Variants in ME1 observed in about 807,000 individuals in gnomAD.
ME1 encodes NADP-dependent malic enzyme.
Under a neutral mutation model 66.4 loss-of-function variants are expected in ME1, and 74 were observed. That is an observed-to-expected ratio of 1.11 (90% CI 0.92 to 1.35). The LOEUF (loss-of-function observed/expected upper bound fraction) is 1.35. Ranked by LOEUF, ME1 falls within the 40% of genes most tolerant of loss-of-function variation. ME1 has a pLI of 0.00. For missense variants in ME1, 750 were observed against 694.1 expected (o/e 1.08, Z -0.90); for synonymous variants, 251 against 235.6 (o/e 1.07, Z -0.60).
intron 6 of ME1, among the ~76,000 whole-genome samples, chr6:83,266,458 A>G (rs965498698): frequency 5.9e-5 from 9 of 152,150 alleles, no homozygotes; most frequent in African/African-American, 2.2e-4. Flanking sequence ...GCACTCACTT[A>G]TCAATAACAT....
intron 3 of ME1, among the ~76,000 whole-genome samples, chr6:83,361,118 T>A (rs1769000017): frequency 6.6e-6 from 1 of 152,256 alleles, no homozygotes; most frequent in Non-Finnish European, 1.5e-5. Flanking sequence ...GATGACATTA[T>A]GCTGATTGCA....
Position 83,315,335 on chromosome 6 carries a change from C to G in ME1, c.679G>C (p.Glu227Gln). The G allele has an allele frequency of 6.2e-7, 1 of 1,609,638 alleles. No individual in the cohort carries two copies. Residue 227 changes from glutamate to glutamine, a missense_variant, in exon 6 of 14, where the codon GAA becomes CAA. Physicochemically the swap from Glu to Gln is conservative, Grantham distance 29. Transcript: ENST00000369705. The stretch of plus-strand genomic sequence containing the variant: ...TTGGAAGAAACTGCCTCCATGAATT[C>G]GTCCAAAAAATCATCATATTCAGAA... ...RGSEYDDFLD[E>Q]FMEAVSSKYG...
chr6:83,261,682 G>A (rs1766891772), intron 6 of ME1, among the ~76,000 whole-genome samples: 1 of 152,006 alleles, frequency 6.6e-6, no homozygotes, highest in South Asian at 2.1e-4. Context: ...AGTGTTGGGA[G>A]TCTGGTTTAG....
At chr6:83,277,880 C>T (rs868406643) in intron 6 of ME1, among the ~76,000 whole-genome samples, 25 of 97,074 alleles carry the variant, frequency 2.6e-4, no homozygotes, top group African/African-American at 1.0e-3. Flanking sequence ...CCAGCTTGGG[C>T]GATAGTGAGA....
intron 9 of ME1, among the ~76,000 whole-genome samples, chr6:83,233,157 C>T (rs1449960942): frequency 1.3e-5 from 2 of 152,126 alleles, no homozygotes; most frequent in African/African-American, 4.8e-5. Flanking sequence ...CAAATCTTCA[C>T]TGCAAAATGC....
At chr6:83,367,726 C>A (rs765502314) in intron 3 of ME1, among the ~76,000 whole-genome samples, 29 of 152,198 alleles carry the variant, frequency 1.9e-4, no homozygotes, top group Non-Finnish European at 3.1e-4. Context: ...TAGGCTTTGG[C>A]TTAAAGGGAA....
At chr6:83,275,829 G>A (rs1234354308) in intron 6 of ME1, among the ~76,000 whole-genome samples, 29 of 135,464 alleles carry the variant, frequency 2.1e-4, no homozygotes, top group Middle Eastern at 8.7e-3. Context: ...CTGGAGTGCA[G>A]TGGCGCGATC....
intron 6 of ME1, among the ~76,000 whole-genome samples, chr6:83,283,133 C>A (rs1767332336): frequency 6.9e-6 from 1 of 144,798 alleles, no homozygotes; most frequent in African/African-American, 2.6e-5. Flanking sequence ...GAGGCTGAGG[C>A]AGGAGAATGG....
intron 3 of ME1, among the ~76,000 whole-genome samples, chr6:83,373,313 G>A (rs937642120): frequency 2.6e-5 from 4 of 151,894 alleles, no homozygotes; most frequent in African/African-American, 9.7e-5. Context: ...TCAGCTCACT[G>A]CAACCCGTAC....
At chr6:83,339,801 C>T (rs1768538990) in intron 5 of ME1, among the ~76,000 whole-genome samples, 1 of 103,738 alleles carries the variant, frequency 9.6e-6, no homozygotes, top group African/African-American at 3.8e-5. Context: ...AGGGGAATAT[C>T]ACACTCTGGG....
rs1790245526 is a variant in ME1, at chr6:83,228,773, A to C, written c.1132+53T>G. The C allele has an allele frequency of 4.0e-6, 5 of 1,239,410 alleles. No homozygotes were observed. In the African/African-American group the frequency reaches 6.1e-5, roughly 15 times the overall value. The allele number at this position is 1,239,410 out of a possible 1,614,324, so 76.8% of individuals were successfully genotyped here. On this transcript the variant is annotated intron_variant, in intron 10 of 13. Transcript: ENST00000369705. The stretch of plus-strand genomic sequence containing the variant: ...ACCTCAAAAATTGGTAGTAAAAAAA[A>C]CAATCAGGTCAAAATAAGGGGTAGG...
chr6:83,252,427 G>A (rs1285169681), intron 7 of ME1, among the ~76,000 whole-genome samples: 1 of 152,076 alleles, frequency 6.6e-6, no homozygotes, highest in African/African-American at 2.4e-5. Flanking sequence ...AGCCTCCCGA[G>A]TATCTGGGAC....
intron 6 of ME1, among the ~76,000 whole-genome samples, chr6:83,268,402 G>C (rs1034672893): frequency 6.6e-6 from 1 of 152,026 alleles, no homozygotes; most frequent in Non-Finnish European, 1.5e-5. Context: ...CTCCTATTAA[G>C]TATACAATTA....
chr6:83,253,889 G>A, intron 6 of ME1, 151 bp from the exon 7 acceptor site: 1 of 502,860 alleles, frequency 2.0e-6, no homozygotes, highest in Non-Finnish European at 3.6e-6. Flanking sequence ...TATAATATCT[G>A]TTCAGCAAAT....
chr6:83,423,804 T>A (rs910652857), intron 1 of ME1, among the ~76,000 whole-genome samples: 4 of 146,310 alleles, frequency 2.7e-5, no homozygotes, highest in African/African-American at 7.6e-5. Flanking sequence ...CAAAAAAAAA[T>A]GAAAAATAAA....
At chr6:83,387,987 C>A (rs1192648397) in intron 3 of ME1, among the ~76,000 whole-genome samples, 1 of 152,032 alleles carries the variant, frequency 6.6e-6, no homozygotes, top group Non-Finnish European at 1.5e-5. Flanking sequence ...GACTATTAGA[C>A]CCTTCTACTT....
chr6:83,308,055 T>C lies in ME1; in HGVS notation c.704+7255A>G, dbSNP rs994085066. On this transcript the variant is annotated intron_variant, in intron 6 of 13. Transcript: ENST00000369705. ...ACACTACTCAGCAAAAAAAGCATAATTGTATGAAAACCTCATTATCACACC... is the reference window on the plus strand; with the variant it reads ...ACACTACTCAGCAAAAAAAGCATAACTGTATGAAAACCTCATTATCACACC... Among the ~76,000 whole-genome samples, 7 of 152,198 alleles carry C rather than the reference T, an allele frequency of 4.6e-5. No individual in the cohort carries two copies. The South Asian group carries it at 6.2e-4, about 14-fold the overall frequency.
At chr6:83,332,641 G>C (rs1012264706) in intron 5 of ME1, among the ~76,000 whole-genome samples, 3 of 152,146 alleles carry the variant, frequency 2.0e-5, no homozygotes, top group African/African-American at 4.8e-5. Context: ...TAACCTAAAT[G>C]AAATAACTTA....
chr6:83,242,636 G>A (rs1357517354), intron 7 of ME1, among the ~76,000 whole-genome samples: 1 of 152,046 alleles, frequency 6.6e-6, no homozygotes, highest in South Asian at 2.1e-4. Context: ...AGAAATGGAA[G>A]TTGAACACAC....
Sources: gnomAD v4.1 joint callset for allele counts (sites outside exome capture counted in the v4.1 genomes callset) on GRCh38, gnomAD v4.1.1 for gene constraint, MANE v1.5 for transcripts, NCBI Gene and HGNC (gene_info 2026-07-23, HGNC 2026-07-21) for gene names.